Variants in EYS observed in about 807,000 individuals in gnomAD.
EYS encodes the protein EGF-like photoreceptor maintenance factor, also known as protein eyes shut homolog.
Under a neutral mutation model 282.1 loss-of-function variants are expected in EYS, and 250 were observed. The ratio of observed to expected loss-of-function variants is 0.89; its 90% CI spans 0.80 to 0.98. EYS has a LOEUF of 0.98. EYS is among the 50% of genes least tolerant of loss of function. EYS has a pLI of 0.00. For synonymous variants in EYS, 1,355 were observed against 1,282.9 expected (o/e 1.06, Z -1.20); for missense variants, 4,016 against 3,709.0 (o/e 1.08, Z -2.15).
chr6:64,513,737 T>C (rs929170074), intron 26 of EYS, among the ~76,000 whole-genome samples: 1 of 151,878 alleles, frequency 6.6e-6, no homozygotes, highest in African/African-American at 2.4e-5. Context: ...ACTCAGTGAA[T>C]ATTATAATTA....
chr6:65,562,266 A>C (rs1769092249), intron 2 of EYS, among the ~76,000 whole-genome samples: 1 of 152,078 alleles, frequency 6.6e-6, no homozygotes, highest in African/African-American at 2.4e-5. Flanking sequence ...AAGACAAGAA[A>C]ACATCAAATT....
intron 31 of EYS, among the ~76,000 whole-genome samples, chr6:64,094,917 T>G (rs1386999868): frequency 3.3e-5 from 5 of 152,228 alleles, no homozygotes; most frequent in Admixed American, 2.0e-4. Flanking sequence ...CTCTACACAC[T>G]GCGTTGAATG....
chr6:64,814,279 T>C (rs1415562980), intron 21 of EYS, among the ~76,000 whole-genome samples: 2 of 152,058 alleles, frequency 1.3e-5, no homozygotes, highest in Non-Finnish European at 2.9e-5. Flanking sequence ...TCTCATAGTT[T>C]TACTTACTTA....
intron 11 of EYS, among the ~76,000 whole-genome samples, chr6:65,334,208 T>C (rs574343992): frequency 3.9e-5 from 6 of 152,000 alleles, no homozygotes; most frequent in Admixed American, 3.9e-4. Context: ...ATTGTAATTA[T>C]TCTAATACTA....
intron 22 of EYS, among the ~76,000 whole-genome samples, chr6:64,769,301 T>G (rs9452736): frequency 0.3 from 46,136 of 151,808 alleles, 8,786 homozygotes; most frequent in African/African-American, 0.53. Context: ...TAACTCTGTT[T>G]GCCTAGCTCA....
At chr6:63,950,159 G>T (rs1410865237) in intron 35 of EYS, among the ~76,000 whole-genome samples, 5 of 149,684 alleles carry the variant, frequency 3.3e-5, no homozygotes, top group Admixed American at 3.3e-4. Flanking sequence ...GCAACAGAAT[G>T]AGACTCCGTC....
At chr6:64,598,320 C>T (rs550168525) in intron 24 of EYS, among the ~76,000 whole-genome samples, 137 of 152,150 alleles carry the variant, frequency 9.0e-4, no homozygotes, top group African/African-American at 3.2e-3. Flanking sequence ...AATTAGCCGG[C>T]CTTGGTGGCG....
intron 14 of EYS, among the ~76,000 whole-genome samples, chr6:64,994,804 AT>A (rs1436267094): frequency 6.6e-6 from 1 of 152,102 alleles, no homozygotes; most frequent in East Asian, 1.9e-4. Context: ...TATAGAATGC[AT>A]TGTTTTCCAA....
chr6:64,461,032 T>C (rs1056336546), intron 26 of EYS, among the ~76,000 whole-genome samples: 21 of 152,138 alleles, frequency 1.4e-4, no homozygotes, highest in African/African-American at 3.4e-4. Flanking sequence ...CACAGAAACA[T>C]AGTGCACAAA....
At chr6:64,400,947 T>A (rs1039498904) in intron 28 of EYS, among the ~76,000 whole-genome samples, 1 of 151,936 alleles carries the variant, frequency 6.6e-6, no homozygotes, top group Non-Finnish European at 1.5e-5. Flanking sequence ...GGAAGAAAAA[T>A]TTAGTGAGCC....
chr6:64,809,051 A>G (rs1469827741), intron 22 of EYS, among the ~76,000 whole-genome samples: 1 of 152,134 alleles, frequency 6.6e-6, no homozygotes, highest in East Asian at 1.9e-4. Context: ...GCCTCTGCCC[A>G]GACATTTAAT....
At chr6:65,089,034 T>C (rs1228956768) in intron 12 of EYS, among the ~76,000 whole-genome samples, 1 of 152,112 alleles carries the variant, frequency 6.6e-6, no homozygotes, top group Non-Finnish European at 1.5e-5. Context: ...TACCTAGATA[T>C]CAGGGGATGA....
intron 33 of EYS, among the ~76,000 whole-genome samples, chr6:64,006,685 A>T (rs895302677): frequency 6.6e-6 from 1 of 152,050 alleles, no homozygotes; most frequent in African/African-American, 2.4e-5. Flanking sequence ...TGCCTAGTTT[A>T]TTGAGGGTTT....
intron 28 of EYS, among the ~76,000 whole-genome samples, chr6:64,427,447 T>A (rs1416199304): frequency 6.6e-6 from 1 of 152,110 alleles, no homozygotes; most frequent in Non-Finnish European, 1.5e-5. Context: ...GTGAAGACCC[T>A]TTTGGAAGTG....
At chr6:64,160,896 A>T (rs1775086381) in intron 31 of EYS, among the ~76,000 whole-genome samples, 1 of 152,204 alleles carries the variant, frequency 6.6e-6, no homozygotes, top group African/African-American at 2.4e-5. Context: ...ACTTGTGTGA[A>T]TGATGCCAGG....
chr6:65,579,068 T>G (rs1446217372), intron 2 of EYS, among the ~76,000 whole-genome samples: 3 of 152,154 alleles, frequency 2.0e-5, no homozygotes, highest in Non-Finnish European at 4.4e-5. Context: ...GGATTAAGTT[T>G]TCTTCAAATA....
intron 37 of EYS, among the ~76,000 whole-genome samples, chr6:63,802,605 T>C (rs1770807784): frequency 6.6e-6 from 1 of 152,160 alleles, no homozygotes; most frequent in Non-Finnish European, 1.5e-5. Flanking sequence ...TTTTAATATA[T>C]GTGTGAAGAG....
At chr6:63,791,613 G>T (rs924757042) in intron 37 of EYS, among the ~76,000 whole-genome samples, 11 of 151,898 alleles carry the variant, frequency 7.2e-5, no homozygotes, top group Non-Finnish European at 1.5e-4. Flanking sequence ...GAACTGCTGG[G>T]ATGTGGGCTT....
chr6:65,295,079 G>T (rs1228101165), intron 12 of EYS, among the ~76,000 whole-genome samples: 1 of 151,640 alleles, frequency 6.6e-6, no homozygotes, highest in Non-Finnish European at 1.5e-5. Flanking sequence ...TTCATGTTAC[G>T]ATGAAAATCC....
Sources: gnomAD v4.1 joint callset for allele counts (sites outside exome capture counted in the v4.1 genomes callset) on GRCh38, gnomAD v4.1.1 for gene constraint, MANE v1.5 for transcripts, NCBI Gene and HGNC (gene_info 2026-07-23, HGNC 2026-07-21) for gene names.